Variants in SPMIP4 observed in about 807,000 individuals in gnomAD.
SPMIP4 encodes the protein sperm microtubule inner protein 4.
the SPMIP4 span, among the ~76,000 whole-genome samples, chr7:25,148,378 T>G: frequency 6.6e-6 from 1 of 152,078 alleles, no homozygotes; most frequent in African/African-American, 2.4e-5. Context: ...TTTGAGGATA[T>G]GGTGTGCCAT....
At chr7:25,144,400 G>A in the SPMIP4 span, among the ~76,000 whole-genome samples, 2 of 152,224 alleles carry the variant, frequency 1.3e-5, no homozygotes, top group Admixed American at 1.3e-4. Context: ...CCTGGCCTCA[G>A]CACCCTGACT....
chr7:25,177,944 T>A, the SPMIP4 span, among the ~76,000 whole-genome samples: 1 of 152,212 alleles, frequency 6.6e-6, no homozygotes, highest in Non-Finnish European at 1.5e-5. Flanking sequence ...AGTTTTCTGA[T>A]CCTCACCTTC....
chr7:25,167,180 C>G, the SPMIP4 span, among the ~76,000 whole-genome samples: 1 of 152,172 alleles, frequency 6.6e-6, no homozygotes, highest in Non-Finnish European at 1.5e-5. Flanking sequence ...ACAATGCTTC[C>G]TATACTTAAA....
At chr7:25,168,984 C>T in the SPMIP4 span, among the ~76,000 whole-genome samples, 1 of 151,784 alleles carries the variant, frequency 6.6e-6, no homozygotes, top group Non-Finnish European at 1.5e-5. Context: ...GCCTCGGCCT[C>T]CCAAAGTGCT....
the SPMIP4 span, among the ~76,000 whole-genome samples, chr7:25,160,728 C>G: frequency 3.3e-5 from 5 of 152,006 alleles, no homozygotes; most frequent in African/African-American, 1.2e-4. Flanking sequence ...AACAAGTATG[C>G]CTTACGTTAA....
At chr7:25,157,726 G>A in the SPMIP4 span, among the ~76,000 whole-genome samples, 2 of 152,188 alleles carry the variant, frequency 1.3e-5, no homozygotes, top group African/African-American at 4.8e-5. Flanking sequence ...AGGAGAGATG[G>A]TGACTGAATG....
At chr7:25,173,050 G>C in the SPMIP4 span, among the ~76,000 whole-genome samples, 1 of 150,764 alleles carries the variant, frequency 6.6e-6, no homozygotes, top group African/African-American at 2.4e-5. The surrounding 1 kb of genome is among the most constrained non-coding windows in gnomAD (Gnocchi z 4.4). Flanking sequence ...AAAAAGGGAG[G>C]GAGAGAGAGG....
chr7:25,142,321 T>A, the SPMIP4 span: 1 of 1,608,308 alleles, frequency 6.2e-7, no homozygotes, highest in Non-Finnish European at 8.5e-7. Context: ...AGGGGGTCCA[T>A]GGGCCCCAGA....
the SPMIP4 span, among the ~76,000 whole-genome samples, chr7:25,164,654 T>A: frequency 6.7e-6 from 1 of 149,494 alleles, no homozygotes; most frequent in Non-Finnish European, 1.5e-5. Context: ...TTTCAATAGT[T>A]TTTGGGGAAC....
At chr7:25,155,162 G>T in the SPMIP4 span, 1 of 1,571,900 alleles carries the variant, frequency 6.4e-7, no homozygotes, top group South Asian at 1.2e-5. Context: ...TGTGGTAGGG[G>T]TGTTCAATTG....
chr7:25,138,765 A>G, the SPMIP4 span, among the ~76,000 whole-genome samples: 2 of 152,230 alleles, frequency 1.3e-5, no homozygotes, highest in Non-Finnish European at 2.9e-5. This position sits in a 1 kb window ranked among gnomAD's most constrained non-coding sequence, Gnocchi z 6.2. Flanking sequence ...AAACAAAAAC[A>G]TATGTCCATA....
the SPMIP4 span, among the ~76,000 whole-genome samples, chr7:25,163,452 G>C: frequency 4.1e-3 from 624 of 152,316 alleles, 9 homozygotes; most frequent in African/African-American, 0.015. The surrounding 1 kb of genome is among the most constrained non-coding windows in gnomAD (Gnocchi z 4.4). Context: ...TGCTCACCTA[G>C]AGAAACACGC....
chr7:25,154,072 G>A, the SPMIP4 span, among the ~76,000 whole-genome samples: 1 of 152,222 alleles, frequency 6.6e-6, no homozygotes, highest in African/African-American at 2.4e-5. Flanking sequence ...CCGCAGGTGA[G>A]TAAGTGGCAG....
chr7:25,155,091 C>G, the SPMIP4 span: 1 of 1,613,966 alleles, frequency 6.2e-7, no homozygotes, highest in Non-Finnish European at 8.5e-7. Flanking sequence ...GGCTTTAATG[C>G]CCGTGTAGAG....
the SPMIP4 span, among the ~76,000 whole-genome samples, chr7:25,148,167 C>A: frequency 3.9e-5 from 6 of 152,210 alleles, no homozygotes; most frequent in Non-Finnish European, 8.8e-5. Context: ...GAGTTCCATT[C>A]TCAGAGAATG....
the SPMIP4 span, among the ~76,000 whole-genome samples, chr7:25,146,458 G>A: frequency 5.3e-5 from 8 of 152,232 alleles, no homozygotes; most frequent in African/African-American, 1.7e-4. Context: ...TATTTGGTAA[G>A]ATGACTCCTT....
At chr7:25,125,997 G>A in the SPMIP4 span, 1 of 969,740 alleles carries the variant, frequency 1.0e-6, no homozygotes, top group African/African-American at 1.8e-5. Context: ...AAAATTAAGA[G>A]GATGCAATGA....
At chr7:25,161,178 C>G in the SPMIP4 span, 2 of 1,497,978 alleles carry the variant, frequency 1.3e-6, no homozygotes, top group Non-Finnish European at 1.8e-6. Flanking sequence ...AGGAAAAAAA[C>G]CCAGACTTAC....
chr7:25,169,460 A>G, the SPMIP4 span, among the ~76,000 whole-genome samples: 2 of 152,142 alleles, frequency 1.3e-5, no homozygotes, highest in Admixed American at 1.3e-4. Flanking sequence ...CATTTCCTGT[A>G]AGTAGAATAA....
Sources: allele counts gnomAD v4.1 joint callset (sites outside exome capture counted in the v4.1 genomes callset), GRCh38; gene constraint gnomAD v4.1.1; non-coding constraint Gnocchi (gnomAD v3.1); transcripts MANE v1.5; gene names NCBI Gene and HGNC (gene_info 2026-07-23, HGNC 2026-07-21).